The following SLC38A1 variants were observed in gnomAD, a reference collection of about 807,000 sequenced individuals.
SLC38A1 encodes sodium-coupled neutral amino acid symporter 1.
A neutral mutation model predicts 60.3 loss-of-function variants in SLC38A1; 18 were observed. The observed-to-expected ratio is 0.30, with a 90% CI of 0.21 to 0.44. The LOEUF (loss-of-function observed/expected upper bound fraction) is 0.44, where lower values mean the gene tolerates loss of function less well. Among genes scored for constraint, SLC38A1 ranks in the 20% least tolerant of loss-of-function variants. The pLI is 1.00. For missense variants in SLC38A1, 448 were observed against 587.2 expected (o/e 0.76, Z 2.45); for synonymous variants, 196 against 212.1 (o/e 0.92, Z 0.66).
chr12:46,247,263 T>G (rs763674569), intron 1 of SLC38A1, among the ~76,000 whole-genome samples: 1 of 152,096 alleles, frequency 6.6e-6, no homozygotes, highest in Non-Finnish European at 1.5e-5. Context: ...TTCTATCCCA[T>G]CACAAGGAAG....
chr12:46,233,730 G>A (rs1044194159), intron 3 of SLC38A1, among the ~76,000 whole-genome samples: 39 of 152,172 alleles, frequency 2.6e-4, no homozygotes, highest in African/African-American at 8.2e-4. Context: ...ATGAGTAACC[G>A]TTAAATAGCA....
chr12:46,224,081 G>T (rs545163783), intron 5 of SLC38A1, among the ~76,000 whole-genome samples: 70 of 152,056 alleles, frequency 4.6e-4, no homozygotes, highest in Non-Finnish European at 9.6e-4. Flanking sequence ...TGGAGTTATG[G>T]GTAAGACTCA....
At chr12:46,241,878 C>T (rs370750081) in intron 2 of SLC38A1, among the ~76,000 whole-genome samples, 15 of 152,116 alleles carry the variant, frequency 9.9e-5, no homozygotes, top group African/African-American at 1.4e-4. Context: ...GTTAATTCAG[C>T]GGATGGCATT....
intron 6 of SLC38A1, among the ~76,000 whole-genome samples, chr12:46,208,807 GTATAA>G (rs1401248573): frequency 2.0e-5 from 3 of 152,120 alleles, no homozygotes; most frequent in African/African-American, 7.2e-5. Flanking sequence ...AGAAAAACAG[GTATAA>G]TTGAGGGTTC....
rs1016233965 is a variant in SLC38A1 at position 46,268,286 on chromosome 12, G to T, written c.-209+240C>A. ...AAAACAAACCAAAAAGTAAGCCACA[G>T]CCCACGCAAAGGTGAACTCGGGGGC... On this transcript the variant is annotated intron_variant, in intron 1 of 16. Transcript: ENST00000398637. The surrounding 1 kb of genome is among the most constrained non-coding windows in gnomAD (Gnocchi z 4.4). Among the ~76,000 whole-genome samples, 3 of 152,212 alleles carry T rather than the reference G, an allele frequency of 2.0e-5. No individual in the cohort carries two copies. The highest frequency in any genetic ancestry group is 6.5e-5 in the Admixed American group (1 of 15,284).
At chr12:46,253,099 G>A (rs1375454837) in intron 1 of SLC38A1, among the ~76,000 whole-genome samples, 1 of 151,874 alleles carries the variant, frequency 6.6e-6, no homozygotes, top group East Asian at 1.9e-4. Context: ...AGGATATGAA[G>A]TTGCAGATGT....
intron 5 of SLC38A1, among the ~76,000 whole-genome samples, chr12:46,214,850 C>T (rs1432433110): frequency 6.6e-6 from 1 of 152,186 alleles, no homozygotes; most frequent in Non-Finnish European, 1.5e-5. Context: ...TGCATCAGAT[C>T]CAGAAATAGC....
At chr12:46,245,704 A>T (rs1407476968) in intron 1 of SLC38A1, among the ~76,000 whole-genome samples, 1 of 152,180 alleles carries the variant, frequency 6.6e-6, no homozygotes, top group Non-Finnish European at 1.5e-5. Context: ...AGCTGTGATC[A>T]TGCCACTATG....
chr12:46,250,009 C>T (rs1475848154), intron 1 of SLC38A1, among the ~76,000 whole-genome samples: 4 of 152,140 alleles, frequency 2.6e-5, no homozygotes, highest in African/African-American at 7.2e-5. Flanking sequence ...TCATCTGATA[C>T]CAAAGCCTGG....
At chr12:46,252,509 T>A (rs1314112406) in intron 1 of SLC38A1, among the ~76,000 whole-genome samples, 1 of 151,844 alleles carries the variant, frequency 6.6e-6, no homozygotes, top group Admixed American at 6.6e-5. Context: ...TAATAAAATA[T>A]ATATATTCAT....
intron 1 of SLC38A1, among the ~76,000 whole-genome samples, chr12:46,246,056 G>C (rs557669230): frequency 6.6e-6 from 1 of 152,128 alleles, no homozygotes; most frequent in Non-Finnish European, 1.5e-5. Flanking sequence ...GGCCAAATAG[G>C]AACAGCTCCC....
rs1565781719 is a variant in SLC38A1, at chr12:46,235,397, G to A, written c.122+4282C>T. 2.0e-5 allele frequency among the ~76,000 whole-genome samples: 3 copies of A among 152,202 alleles called. No homozygotes were observed. The East Asian group carries it at 5.8e-4, about 29-fold the overall frequency. The stretch of plus-strand genomic sequence containing the variant: ...GAAATGCTAACATTGTATTAAAAAG[G>A]AGAATAAAATGAAAGGGAAGAAGCA... On this transcript the variant is annotated intron_variant, in intron 3 of 16. Transcript: ENST00000398637.
chr12:46,213,135 A>G (rs1176778993), intron 5 of SLC38A1, among the ~76,000 whole-genome samples: 1 of 152,222 alleles, frequency 6.6e-6, no homozygotes, highest in Non-Finnish European at 1.5e-5. Context: ...ACACAATGCT[A>G]TAACATCAGA....
In SLC38A1 at chr12:46,258,811, G is replaced by A. The variant is rs58836010; in HGVS notation, c.-209+9715C>T. Among the ~76,000 whole-genome samples the A allele has an allele frequency of 1.5e-3, 230 of 152,238 alleles. 1 individual carries two copies. The highest frequency in any genetic ancestry group is 5.1e-3 in the African/African-American group (211 of 41,530). ...TGGAATTACAGGCACATGCCACCAT[G>A]CCCAGCTAATTTTTATATTTTCAGT... On this transcript the variant is annotated intron_variant, in intron 1 of 16. Coordinates refer to ENST00000398637, the MANE Select transcript of SLC38A1 (RefSeq NM_030674.4).
At chr12:46,247,200 A>G (rs1211423487) in intron 1 of SLC38A1, among the ~76,000 whole-genome samples, 3 of 152,246 alleles carry the variant, frequency 2.0e-5, no homozygotes, top group Non-Finnish European at 4.4e-5. Flanking sequence ...AGTTGGCCAA[A>G]GTAGGCTTCA....
chr12:46,206,044 A>G (rs1939882476), intron 9 of SLC38A1, 36 bp downstream of exon 9: 1 of 1,118,540 alleles, frequency 8.9e-7, no homozygotes, highest in Non-Finnish European at 1.4e-6. Context: ...TCACTTGGGC[A>G]CTGCAGAATA....
chr12:46,256,636 C>CAGAGAGAGAGAG (rs1555192390), intron 1 of SLC38A1, among the ~76,000 whole-genome samples: 6,788 of 122,900 alleles, frequency 0.055, 399 homozygotes, highest in Admixed American at 0.14. Context: ...CACACACACA[C>CAGAGAGAGAGAG]AGAGAGAGAG....
intron 11 of SLC38A1, among the ~76,000 whole-genome samples, chr12:46,203,661 C>T (rs1939763500): frequency 6.6e-6 from 1 of 152,160 alleles, no homozygotes; most frequent in Non-Finnish European, 1.5e-5. Context: ...TTAGATAAGG[C>T]TCTTTGAAAC....
At chr12:46,203,201 A>G in intron 11 of SLC38A1, 112 bp from the exon 12 acceptor site, 4 of 876,226 alleles carry the variant, frequency 4.6e-6, no homozygotes. Flanking sequence ...GAATCCCTGG[A>G]TTATTCGGTT....
Sources: allele counts gnomAD v4.1 joint callset (sites outside exome capture counted in the v4.1 genomes callset), GRCh38; gene constraint gnomAD v4.1.1; non-coding constraint Gnocchi (gnomAD v3.1); transcripts MANE v1.5; gene names NCBI Gene and HGNC (gene_info 2026-07-23, HGNC 2026-07-21).